RIMS1: variants seen among roughly 807,000 people sequenced by gnomAD.
The protein encoded by RIMS1 is regulating synaptic membrane exocytosis protein 1.
Under a neutral mutation model 214.1 loss-of-function variants are expected in RIMS1, and 83 were observed. That is an observed-to-expected ratio of 0.39 (90% CI 0.32 to 0.47). RIMS1 has a LOEUF of 0.47. Among genes scored for constraint, RIMS1 ranks in the 20% least tolerant of loss-of-function variants. The probability of loss-of-function intolerance (pLI) is 0.99; values close to 1 mark genes in which losing one functional copy is unlikely to be tolerated. For synonymous variants in RIMS1, 793 were observed against 786.8 expected, an observed-to-expected ratio of 1.01 and a Z score of -0.13; for missense variants, 2,050 against 2,161.8, an observed-to-expected ratio of 0.95 and a Z score of 1.03.
chr6:71,973,668 A>C (rs922602342), intron 2 of RIMS1, among the ~76,000 whole-genome samples: 1 of 152,186 alleles, frequency 6.6e-6, no homozygotes, highest in Admixed American at 6.5e-5. Context: ...AGTTAGGTTC[A>C]GGTGTGTCAG....
intron 6 of RIMS1, among the ~76,000 whole-genome samples, chr6:72,188,468 T>C (rs2049505113): frequency 6.6e-6 from 1 of 152,168 alleles, no homozygotes; most frequent in Non-Finnish European, 1.5e-5. Context: ...TGTCACATGA[T>C]AAAGGAAAAA....
At chr6:72,284,964 G>A (rs538169821) in intron 24 of RIMS1, among the ~76,000 whole-genome samples, 1 of 152,304 alleles carries the variant, frequency 6.6e-6, no homozygotes, top group Admixed American at 6.5e-5. Context: ...GAAGAGTGGA[G>A]TATTCTGAGA....
intron 1 of RIMS1, among the ~76,000 whole-genome samples, chr6:71,918,978 T>C (rs1361548669): frequency 6.6e-6 from 1 of 152,140 alleles, no homozygotes; most frequent in Non-Finnish European, 1.5e-5. Flanking sequence ...CCTTTCACTC[T>C]TAGGCAGCAA....
chr6:71,960,524 A>G (rs1394917885), intron 1 of RIMS1, among the ~76,000 whole-genome samples: 2 of 152,138 alleles, frequency 1.3e-5, no homozygotes, highest in African/African-American at 4.8e-5. Context: ...AAAGCCCATG[A>G]TGATGTTTCA....
At chr6:72,006,599 A>T (rs1364605313) in intron 2 of RIMS1, among the ~76,000 whole-genome samples, 1 of 152,300 alleles carries the variant, frequency 6.6e-6, no homozygotes, top group East Asian at 1.9e-4. Context: ...GACAGATGGC[A>T]CCTGGAAAAT....
chr6:72,164,338 C>T (rs897615256), intron 4 of RIMS1, among the ~76,000 whole-genome samples: 6 of 152,128 alleles, frequency 3.9e-5, no homozygotes, highest in Non-Finnish European at 7.4e-5. Flanking sequence ...CTTGTGCTTC[C>T]TGGGTGAGGC....
intron 1 of RIMS1, among the ~76,000 whole-genome samples, chr6:71,924,379 T>C (rs760936993): frequency 6.6e-6 from 1 of 151,934 alleles, no homozygotes; most frequent in Admixed American, 6.6e-5. Context: ...CTCAGGTTAG[T>C]TCCAGTAAAG....
At chr6:71,913,340 G>A (rs146571772) in intron 1 of RIMS1, among the ~76,000 whole-genome samples, 1 of 152,254 alleles carries the variant, frequency 6.6e-6, no homozygotes, top group Non-Finnish European at 1.5e-5. Context: ...GGCTTGAAGG[G>A]ACGGTTACTT....
intron 2 of RIMS1, among the ~76,000 whole-genome samples, chr6:72,087,404 A>C (rs762963807): frequency 1.1e-4 from 17 of 152,350 alleles, no homozygotes; most frequent in South Asian, 4.1e-4. Context: ...TGTAAGGTAG[A>C]TGCCTAATGA....
intron 6 of RIMS1, among the ~76,000 whole-genome samples, chr6:72,222,054 T>G (rs924858922): frequency 6.6e-6 from 1 of 152,046 alleles, no homozygotes; most frequent in African/African-American, 2.4e-5. Flanking sequence ...CGTTTTGTTA[T>G]GGATTTATAA....
chr6:72,256,854 T>C (rs1224407783), intron 16 of RIMS1, among the ~76,000 whole-genome samples: 1 of 152,006 alleles, frequency 6.6e-6, no homozygotes, highest in Non-Finnish European at 1.5e-5. Context: ...TAGTTGATAT[T>C]TTGATAAGAA....
chr6:72,355,627 C>G (rs2097599746), intron 29 of RIMS1, among the ~76,000 whole-genome samples: 1 of 152,074 alleles, frequency 6.6e-6, no homozygotes, highest in African/African-American at 2.4e-5. Context: ...GTTATGTTAT[C>G]AGGTTAGAGA....
chr6:72,246,922 T>C (rs1383178342), intron 11 of RIMS1, among the ~76,000 whole-genome samples: 1 of 152,198 alleles, frequency 6.6e-6, no homozygotes, highest in Non-Finnish European at 1.5e-5. Flanking sequence ...ATATAGCTGT[T>C]TTTTATCACT....
intron 2 of RIMS1, among the ~76,000 whole-genome samples, chr6:72,035,294 G>T (rs963945782): frequency 6.6e-6 from 1 of 152,088 alleles, no homozygotes; most frequent in African/African-American, 2.4e-5. Context: ...ACCTACAAAT[G>T]GTGAGGGCTG....
chr6:72,336,519 G>A (rs143117155), intron 29 of RIMS1, among the ~76,000 whole-genome samples: 3 of 151,724 alleles, frequency 2.0e-5, no homozygotes, highest in African/African-American at 7.3e-5. Flanking sequence ...AAGGAAATGG[G>A]ATTATGAAGC....
intron 1 of RIMS1, among the ~76,000 whole-genome samples, chr6:71,950,287 A>G (rs1230299583): frequency 6.6e-6 from 1 of 152,138 alleles, no homozygotes; most frequent in Non-Finnish European, 1.5e-5. Flanking sequence ...TACTATGGTG[A>G]TGGCTACAGG....
intron 29 of RIMS1, among the ~76,000 whole-genome samples, chr6:72,334,651 A>T (rs2096779564): frequency 6.6e-6 from 1 of 151,920 alleles, no homozygotes; most frequent in African/African-American, 2.4e-5. Context: ...TAAAACCAAC[A>T]TTGGTTCCAT....
chr6:72,161,957 C>G lies in RIMS1; in HGVS notation c.472-17618C>G, dbSNP rs1562464473. Among the ~76,000 whole-genome samples the G allele has an allele frequency of 2.1e-5, 3 of 140,674 alleles. No individual in the cohort carries two copies. The South Asian group carries it at 7.1e-4, about 33-fold the overall frequency. The allele number at this position is 140,674 out of a possible 152,430, so 92.3% of individuals were successfully genotyped here. ...CTGGATATCCTTGTTAACTTTCTGT[C>G]TTGTTGACCTGTCAATTGTTGATAG... On this transcript the variant is annotated intron_variant, in intron 4 of 33. Coordinates refer to ENST00000521978, the MANE Select transcript of RIMS1 (RefSeq NM_014989.7).
intron 6 of RIMS1, among the ~76,000 whole-genome samples, chr6:72,184,377 T>G (rs939682179): frequency 2.0e-5 from 3 of 152,160 alleles, no homozygotes; most frequent in African/African-American, 7.2e-5. Flanking sequence ...AAAAAGAAAT[T>G]TGTGACGCTG....
Sources: gnomAD v4.1 joint callset for allele counts (sites outside exome capture counted in the v4.1 genomes callset) on GRCh38, gnomAD v4.1.1 for gene constraint, MANE v1.5 for transcripts, NCBI Gene and HGNC (gene_info 2026-07-23, HGNC 2026-07-21) for gene names.